Variants in STAG2 observed in about 807,000 individuals in gnomAD.
STAG2 encodes the protein cohesin subunit SA-2.
In STAG2, 14 loss-of-function variants were observed where a neutral mutation model predicts 108.1. The ratio of observed to expected loss-of-function variants is 0.13; its 90% CI spans 0.09 to 0.20. The LOEUF is 0.20. Ranked by LOEUF, STAG2 falls within the 10% of genes least tolerant of loss-of-function variation. The probability of loss-of-function intolerance (pLI) is 1.00; values close to 1 mark genes in which losing one functional copy is unlikely to be tolerated. For missense variants in STAG2, 440 were observed against 940.9 expected (o/e 0.47, Z 6.96); for synonymous variants, 307 against 302.7 (o/e 1.01, Z -0.15).
intron 32 of STAG2, among the ~76,000 whole-genome samples, chrX:124,091,482 TA>T (rs2059250526): frequency 8.9e-6 from 1 of 112,448 alleles, no homozygotes; most frequent in Non-Finnish European, 1.9e-5. Flanking sequence ...GCCTGCTGGA[TA>T]AACTCCCAAC....
intron 3 of STAG2, among the ~76,000 whole-genome samples, chrX:124,023,545 G>A (rs1490851419): frequency 9.0e-6 from 1 of 111,300 alleles, no homozygotes; most frequent in Non-Finnish European, 1.9e-5. Context: ...TTTTTAGTGA[G>A]GATTTTATGT....
At chrX:124,028,989 A>G (rs867593242) in intron 4 of STAG2, among the ~76,000 whole-genome samples, 1 of 81,973 alleles carries the variant, frequency 1.2e-5, no homozygotes, top group African/African-American at 4.7e-5. Flanking sequence ...TTTTATTTAT[A>G]TATATATATA....
At chrX:124,053,686 C>T (rs2058107517) in intron 13 of STAG2, among the ~76,000 whole-genome samples, 1 of 111,467 alleles carries the variant, frequency 9.0e-6, no homozygotes, top group South Asian at 3.7e-4. Context: ...ATATGCACCA[C>T]TAAAATGACC....
intron 1 of STAG2, among the ~76,000 whole-genome samples, chrX:124,006,531 C>T (rs1187888203): frequency 1.9e-5 from 2 of 107,020 alleles, no homozygotes; most frequent in Non-Finnish European, 3.9e-5. Context: ...CTCTGCCTCC[C>T]GGGTTCACAC....
chrX:124,035,927 C>T (rs2057502465), intron 5 of STAG2, among the ~76,000 whole-genome samples: 1 of 111,919 alleles, frequency 8.9e-6, no homozygotes. Flanking sequence ...CATAGACCCT[C>T]TTACTGGGGA....
At chrX:124,021,211 A>T (rs2056915430) in intron 1 of STAG2, among the ~76,000 whole-genome samples, 156 bp from the exon 2 acceptor site, 1 of 111,934 alleles carries the variant, frequency 8.9e-6, no homozygotes, top group Non-Finnish European at 1.9e-5. Flanking sequence ...ACCATTGATG[A>T]TGTTTTCTAG....
chrX:124,057,487 G>A (rs924872457), intron 14 of STAG2, among the ~76,000 whole-genome samples: 1 of 112,284 alleles, frequency 8.9e-6, no homozygotes, highest in Admixed American at 9.4e-5. Flanking sequence ...TGGAAGGAAA[G>A]TATATGTTTA....
chrX:124,091,653 G>A (rs1430674946), intron 32 of STAG2, among the ~76,000 whole-genome samples: 1 of 112,234 alleles, frequency 8.9e-6, no homozygotes, highest in Non-Finnish European at 1.9e-5. Flanking sequence ...ATAACACTAT[G>A]TATATCCATA....
intron 1 of STAG2, among the ~76,000 whole-genome samples, chrX:123,970,239 T>C (rs914674376): frequency 1.8e-5 from 2 of 110,112 alleles, no homozygotes; most frequent in African/African-American, 6.6e-5. Flanking sequence ...TCCCCCTTTG[T>C]ATTCCAAGAA....
chrX:124,098,285 C>T (rs1051294100), intron 34 of STAG2, among the ~76,000 whole-genome samples: 39 of 111,208 alleles, frequency 3.5e-4, no homozygotes, highest in African/African-American at 1.2e-3. Context: ...TATAGCATTA[C>T]CACATGATGG....
At chrX:123,969,668 A>G (rs995062815) in intron 1 of STAG2, among the ~76,000 whole-genome samples, 1 of 108,206 alleles carries the variant, frequency 9.2e-6, no homozygotes, top group Non-Finnish European at 1.9e-5. Context: ...TTTTTTTTAG[A>G]TGGAGTTTCG....
chrX:124,026,876 A>AT (rs1038501856), intron 4 of STAG2, among the ~76,000 whole-genome samples: 8 of 110,893 alleles, frequency 7.2e-5, no homozygotes, highest in South Asian at 7.4e-4. Flanking sequence ...TTTTTTTTCT[A>AT]TTTTTTAAAT....
chrX:124,017,787 A>G (rs892272398), intron 1 of STAG2, among the ~76,000 whole-genome samples: 1 of 111,822 alleles, frequency 8.9e-6, no homozygotes, highest in Non-Finnish European at 1.9e-5. Flanking sequence ...CAGCCCATAA[A>G]TATATACTAA....
chrX:123,983,956 A>G lies in STAG2; in HGVS notation c.-163+22100A>G, dbSNP rs748381772. 1.0e-4 allele frequency among the ~76,000 whole-genome samples: 9 copies of G among 89,593 alleles called. No homozygotes were observed. In the East Asian group the frequency reaches 3.0e-3, roughly 30 times the overall value. 77.8% of individuals were successfully genotyped at this position (89,593 alleles called of 115,157 possible). A position where few individuals can be genotyped will look rare whatever the true frequency, so the allele number is the denominator to read the frequency against. ...TCCTTTAACCTGTGTCAGAAAAAGA[A>G]TAATTTTCTTTTCTTTTCTTTTTTT... On this transcript the variant is annotated intron_variant, in intron 1 of 34. Coordinates refer to ENST00000371145, the MANE Select transcript of STAG2 (RefSeq NM_001042750.2).
intron 28 of STAG2, among the ~76,000 whole-genome samples, chrX:124,082,690 A>G (rs762837063): frequency 2.7e-5 from 3 of 111,569 alleles, no homozygotes; most frequent in East Asian, 5.6e-4. Context: ...CACCACACCC[A>G]GCTTCCTCCC....
chrX:123,986,043 TATATATATATC>T (rs1444306873), intron 1 of STAG2, among the ~76,000 whole-genome samples: 1 of 106,154 alleles, frequency 9.4e-6, no homozygotes, highest in Non-Finnish European at 1.9e-5. Flanking sequence ...TAACCTCACA[TATATATATATC>T]ATATATATGT....
chrX:124,025,785 G>A, intron 3 of STAG2, 55 bp from the exon 4 acceptor site: 1 of 904,179 alleles, frequency 1.1e-6, no homozygotes, highest in Non-Finnish European at 1.5e-6. Flanking sequence ...GCAAAAATTA[G>A]AAACTCAATA....
chrX:123,977,198 TTATAC>T (rs756570461), intron 1 of STAG2, among the ~76,000 whole-genome samples: 11 of 112,448 alleles, frequency 9.8e-5, no homozygotes, highest in Non-Finnish European at 1.5e-4. Flanking sequence ...ATAAAGTTTC[TTATAC>T]TGTACTGTTT....
At chrX:124,088,884 G>C (rs1347102726) in intron 30 of STAG2, among the ~76,000 whole-genome samples, 1 of 103,495 alleles carries the variant, frequency 9.7e-6, no homozygotes, top group East Asian at 3.1e-4. Flanking sequence ...AAAGTGCTGG[G>C]ATTACAGGTG....
Sources: gnomAD v4.1 joint callset for allele counts (sites outside exome capture counted in the v4.1 genomes callset) on GRCh38, gnomAD v4.1.1 for gene constraint, MANE v1.5 for transcripts, NCBI Gene and HGNC (gene_info 2026-07-23, HGNC 2026-07-21) for gene names.